The following MAST4 variants were observed in gnomAD, a reference collection of about 807,000 sequenced individuals.
MAST4 encodes the protein microtubule-associated serine/threonine-protein kinase 4.
In MAST4, 89 loss-of-function variants were observed where a neutral mutation model predicts 162.7. That is an observed-to-expected ratio of 0.55 (90% CI 0.46 to 0.65). The LOEUF is 0.65. MAST4 is among the 30% of genes least tolerant of loss of function. MAST4 has a pLI of 0.00. For missense variants in MAST4, 3,153 were observed against 3,374.0 expected (o/e 0.93, Z 1.62); for synonymous variants, 1,479 against 1,361.1 (o/e 1.09, Z -1.91).
chr5:66,821,992 A>G (rs2149735144), intron 3 of MAST4, among the ~76,000 whole-genome samples: 1 of 152,318 alleles, frequency 6.6e-6, no homozygotes, highest in African/African-American at 2.4e-5. Context: ...CAGTGAGACC[A>G]GTTTCTCAAT....
chr5:67,038,727 G>C (rs924487298), intron 4 of MAST4, among the ~76,000 whole-genome samples: 5 of 152,012 alleles, frequency 3.3e-5, no homozygotes, highest in Non-Finnish European at 7.4e-5. Context: ...GTGCTCATGT[G>C]ATTTTTTTTA....
chr5:67,105,440 A>T (rs983793872), intron 10 of MAST4, among the ~76,000 whole-genome samples: 12 of 152,242 alleles, frequency 7.9e-5, no homozygotes, highest in African/African-American at 2.9e-4. Flanking sequence ...GCGAGATAAG[A>T]TCCTTCTCTG....
At chr5:66,705,445 A>G (rs1260423148) in intron 1 of MAST4, among the ~76,000 whole-genome samples, 1 of 152,204 alleles carries the variant, frequency 6.6e-6, no homozygotes, top group East Asian at 1.9e-4. Flanking sequence ...GATAAAAGGA[A>G]ATCTGAGCCA....
intron 5 of MAST4, among the ~76,000 whole-genome samples, chr5:67,061,896 A>G (rs1341761174): frequency 6.6e-6 from 1 of 152,092 alleles, no homozygotes; most frequent in Non-Finnish European, 1.5e-5. Flanking sequence ...TCTGTAAGCC[A>G]AATGGGCATT....
At chr5:67,152,529 G>C (rs1024758675) in intron 24 of MAST4, 108 bp from the exon 25 acceptor site, 7 of 798,000 alleles carry the variant, frequency 8.8e-6, no homozygotes, top group Admixed American at 2.1e-5. Flanking sequence ...AAATGGATTT[G>C]TGTTGTGACT....
At chr5:66,922,289 C>T (rs1764591428) in intron 4 of MAST4, among the ~76,000 whole-genome samples, 1 of 152,160 alleles carries the variant, frequency 6.6e-6, no homozygotes, top group African/African-American at 2.4e-5. Context: ...GAGACTGCTC[C>T]ATTTATTGGG....
chr5:66,759,123 C>T (rs965839048), intron 1 of MAST4, among the ~76,000 whole-genome samples: 22 of 152,210 alleles, frequency 1.4e-4, no homozygotes, highest in Admixed American at 2.0e-4. Flanking sequence ...TATAAAGTGA[C>T]GTAGGGATGT....
chr5:66,662,557 A>G lies in MAST4; in HGVS notation c.363+65539A>G, dbSNP rs577578841. 1.2e-3 allele frequency: 190 copies of G among 152,352 alleles called. 1 individual carries two copies. Among genetic ancestry groups the G allele is most frequent in the African/African-American group, 4.4e-3 (183 of 41,578 alleles). 9.4% of individuals were successfully genotyped at this position (152,352 alleles called of 1,614,324 possible). ...TGCTTAAGAGCACTTAATATTTTGA[A>G]CTTTGGGCAATCCACAAACACAGTT... On this transcript the variant is annotated intron_variant, in intron 1 of 28. Coordinates refer to ENST00000403625, the MANE Select transcript of MAST4 (RefSeq NM_001164664.2).
At chr5:66,895,407 C>G (rs1181464150) in intron 3 of MAST4, among the ~76,000 whole-genome samples, 2 of 152,114 alleles carry the variant, frequency 1.3e-5, no homozygotes, top group African/African-American at 4.8e-5. Context: ...AAATCTACTT[C>G]CAGCCTTAAC....
At chr5:66,860,748 C>T (rs1416444646) in intron 3 of MAST4, among the ~76,000 whole-genome samples, 4 of 143,814 alleles carry the variant, frequency 2.8e-5, no homozygotes, top group African/African-American at 1.0e-4. Flanking sequence ...TCTTCCCAGC[C>T]GCGAACTTAA....
intron 3 of MAST4, among the ~76,000 whole-genome samples, chr5:66,883,730 A>G (rs1319233355): frequency 6.6e-6 from 1 of 152,094 alleles, no homozygotes; most frequent in Non-Finnish European, 1.5e-5. Context: ...CCCGGCTTTT[A>G]TAAACACATG....
chr5:66,980,161 G>C (rs1021479412), intron 4 of MAST4, among the ~76,000 whole-genome samples: 1 of 152,104 alleles, frequency 6.6e-6, no homozygotes, highest in Non-Finnish European at 1.5e-5. Flanking sequence ...TGTCTCTTGC[G>C]GTGGCTGAGA....
intron 1 of MAST4, among the ~76,000 whole-genome samples, chr5:66,664,435 CAAAAAA>C (rs58704256): frequency 2.3e-4 from 22 of 93,930 alleles, no homozygotes; most frequent in Non-Finnish European, 3.6e-4. Context: ...AACTCCATTT[CAAAAAA>C]AAAAAAAAAA....
At chr5:67,106,870 C>G (rs1265230623) in intron 10 of MAST4, among the ~76,000 whole-genome samples, 1 of 152,076 alleles carries the variant, frequency 6.6e-6, no homozygotes, top group African/African-American at 2.4e-5. Context: ...TTATCGGTTC[C>G]TCAGAAACCA....
At chr5:66,637,811 T>C (rs1238863863) in intron 1 of MAST4, among the ~76,000 whole-genome samples, 4 of 152,066 alleles carry the variant, frequency 2.6e-5, no homozygotes, top group Admixed American at 6.6e-5. Context: ...GTTCAAATTA[T>C]CTGAACCTCC....
intron 2 of MAST4, among the ~76,000 whole-genome samples, chr5:66,782,754 G>A (rs1754934304): frequency 6.6e-6 from 1 of 152,198 alleles, no homozygotes; most frequent in Non-Finnish European, 1.5e-5. Flanking sequence ...TGCTAGGCAA[G>A]CTCACCTCTC....
Position 67,149,389 on chromosome 5 carries a change from T to C in MAST4, c.3095T>C (p.Val1032Ala). 4 of 1,611,670 alleles carry C rather than the reference T, an allele frequency of 2.5e-6. No individual in the cohort carries two copies. The highest frequency in any genetic ancestry group is 1.1e-5 in the South Asian group (1 of 90,396). ...TGTTTATCCCTTCTTCTTTGTACAG[T>C]TGGCAGTTTTTCAGAGCACTTGGAT... ...ASTISSSTLS[V>A]GSFSEHLDQI... is the part of the protein sequence containing the mutation. Residue 1032 changes from valine (V) to alanine (A), a missense_variant and splice_region_variant, in exon 24 of 29, where the codon GTT becomes GCT. Physicochemically the swap from Val to Ala is moderately conservative, Grantham distance 64. Around this residue, in one of 7 missense-constraint regions of MAST4, gnomAD observed 619 missense variants for 744.2 expected, o/e 0.83. Coordinates refer to ENST00000403625, the MANE Select transcript of MAST4 (RefSeq NM_001164664.2).
At chr5:67,074,559 A>AAG (rs760637845) in intron 5 of MAST4, among the ~76,000 whole-genome samples, 2 of 152,168 alleles carry the variant, frequency 1.3e-5, no homozygotes, top group African/African-American at 2.4e-5. Context: ...AAATACTAAG[A>AAG]AGATTGATGG....
intron 4 of MAST4, among the ~76,000 whole-genome samples, chr5:66,972,182 C>T (rs116124458): frequency 5.8e-4 from 89 of 152,180 alleles, no homozygotes; most frequent in Non-Finnish European, 6.0e-4. Flanking sequence ...AAAACCTGAC[C>T]TTTGTATCAA....
Sources: gnomAD v4.1 joint callset for allele counts (sites outside exome capture counted in the v4.1 genomes callset) on GRCh38, gnomAD v4.1.1 for gene constraint, gnomAD v4.1.1 regional missense constraint, MANE v1.5 for transcripts, NCBI Gene and HGNC (gene_info 2026-07-23, HGNC 2026-07-21) for gene names.